Variants in MYO3B observed in about 807,000 individuals in gnomAD.
MYO3B encodes the protein myosin-IIIb.
In MYO3B, 156 loss-of-function variants were observed where a neutral mutation model predicts 174.6. That is an observed-to-expected ratio of 0.89 (90% confidence interval 0.78 to 1.02). MYO3B has a LOEUF of 1.02. Among genes scored for constraint, MYO3B ranks in the 50% least tolerant of loss-of-function variants. The pLI is 0.00. For synonymous variants in MYO3B, 563 were observed against 569.1 expected (o/e 0.99, Z 0.15); for missense variants, 1,632 against 1,639.4 (o/e 1.00, Z 0.08).
intron 6 of MYO3B, among the ~76,000 whole-genome samples, chr2:170,224,692 T>C (rs2092933564): frequency 1.3e-5 from 2 of 152,116 alleles, no homozygotes; most frequent in Admixed American, 1.3e-4. Flanking sequence ...AACAGACTTG[T>C]GGATAAAATA....
intron 9 of MYO3B, among the ~76,000 whole-genome samples, chr2:170,375,009 TA>T (rs1456074665): frequency 6.6e-6 from 1 of 152,220 alleles, no homozygotes; most frequent in Non-Finnish European, 1.5e-5. Flanking sequence ...CTTACTCTTT[TA>T]AAGGAGTAAG....
At chr2:170,495,468 ATAT>A (rs1686804959) in intron 25 of MYO3B, among the ~76,000 whole-genome samples, 1 of 152,214 alleles carries the variant, frequency 6.6e-6, no homozygotes, top group Non-Finnish European at 1.5e-5. Context: ...CTAGATATGA[ATAT>A]TATTATCATA....
chr2:170,582,999 C>T (rs1693246699), intron 32 of MYO3B, among the ~76,000 whole-genome samples: 1 of 151,996 alleles, frequency 6.6e-6, no homozygotes, highest in South Asian at 2.1e-4. Flanking sequence ...TCTCTGGCTG[C>T]TCCTGACAGC....
chr2:170,418,146 G>A (rs1331698814), intron 22 of MYO3B, among the ~76,000 whole-genome samples: 5 of 152,168 alleles, frequency 3.3e-5, no homozygotes, highest in African/African-American at 9.7e-5. Context: ...CCAGCATATT[G>A]TCCCTAGTGA....
At chr2:170,529,990 AAT>A (rs1041753599) in intron 30 of MYO3B, among the ~76,000 whole-genome samples, 2 of 152,216 alleles carry the variant, frequency 1.3e-5, no homozygotes, top group African/African-American at 4.8e-5. Flanking sequence ...ATAAAAAACA[AAT>A]ATGCCAATAT....
intron 22 of MYO3B, among the ~76,000 whole-genome samples, chr2:170,439,235 G>T (rs2094780988): frequency 6.6e-6 from 1 of 151,896 alleles, no homozygotes; most frequent in East Asian, 2.0e-4. Flanking sequence ...AGACGGGCAT[G>T]CTGGTGGGCG....
intron 6 of MYO3B, among the ~76,000 whole-genome samples, chr2:170,218,848 T>C (rs2092859798): frequency 6.6e-6 from 1 of 152,214 alleles, no homozygotes; most frequent in African/African-American, 2.4e-5. Context: ...TAAAAAGTTA[T>C]CTAGGGACTT....
intron 28 of MYO3B, among the ~76,000 whole-genome samples, chr2:170,512,218 T>C (rs572213473): frequency 1.2e-4 from 15 of 125,976 alleles, no homozygotes; most frequent in Non-Finnish European, 1.8e-4. Context: ...GGATTTCTTA[T>C]AGGGCTGTAG....
intron 7 of MYO3B, among the ~76,000 whole-genome samples, chr2:170,273,341 G>C (rs1056991864): frequency 1.3e-5 from 2 of 152,026 alleles, no homozygotes; most frequent in Non-Finnish European, 2.9e-5. Flanking sequence ...TGAGACCCTG[G>C]GTCCTTGCTG....
At chr2:170,601,370 C>A (rs1230473282) in intron 32 of MYO3B, among the ~76,000 whole-genome samples, 3 of 152,142 alleles carry the variant, frequency 2.0e-5, no homozygotes, top group Non-Finnish European at 4.4e-5. Flanking sequence ...AATTTCCATG[C>A]CAGTTTATAA....
chr2:170,510,450 A>C (rs1687906532), intron 28 of MYO3B, among the ~76,000 whole-genome samples: 2 of 152,210 alleles, frequency 1.3e-5, no homozygotes, highest in Non-Finnish European at 2.9e-5. Flanking sequence ...TACAGAAAGT[A>C]AGAATAAAAA....
intron 25 of MYO3B, among the ~76,000 whole-genome samples, chr2:170,486,111 G>A (rs1686031703): frequency 6.6e-6 from 1 of 152,156 alleles, no homozygotes; most frequent in East Asian, 1.9e-4. Flanking sequence ...TGTTCTAGGT[G>A]TATGTTGGGG....
chr2:170,470,990 CT>C (rs528684999), intron 25 of MYO3B, among the ~76,000 whole-genome samples: 24 of 142,950 alleles, frequency 1.7e-4, no homozygotes, highest in African/African-American at 2.3e-4. Context: ...CTCTCTCTCT[CT>C]TTTTTTTTTA....
intron 32 of MYO3B, among the ~76,000 whole-genome samples, chr2:170,646,438 A>C (rs1053233641): frequency 6.6e-6 from 1 of 151,356 alleles, no homozygotes; most frequent in Non-Finnish European, 1.5e-5. Context: ...TCTATTACCC[A>C]GGCTGGAGTA....
At chr2:170,510,903 T>G (rs1687938215) in intron 28 of MYO3B, among the ~76,000 whole-genome samples, 1 of 152,156 alleles carries the variant, frequency 6.6e-6, no homozygotes, top group African/African-American at 2.4e-5. Context: ...GCGTGTTGCG[T>G]TTTTTAGTAG....
At chr2:170,327,869 A>ATATATATT (rs1219214549) in intron 7 of MYO3B, among the ~76,000 whole-genome samples, 1 of 102,540 alleles carries the variant, frequency 9.8e-6, no homozygotes, top group African/African-American at 2.8e-5. Flanking sequence ...GCATATATAT[A>ATATATATT]TATATACACT....
At chr2:170,261,692 T>C (rs1487775985) in intron 7 of MYO3B, among the ~76,000 whole-genome samples, 1 of 152,236 alleles carries the variant, frequency 6.6e-6, no homozygotes. Context: ...GGAAAATGCC[T>C]GGTTGTGGCA....
At chr2:170,379,218 C>T (rs1442951947) in intron 9 of MYO3B, among the ~76,000 whole-genome samples, 28 of 129,862 alleles carry the variant, frequency 2.2e-4, no homozygotes, top group East Asian at 7.2e-4. Context: ...TTTTTTGAGA[C>T]GGAATCTTGC....
chr2:170,565,762 A>G (rs1481316476), intron 32 of MYO3B, among the ~76,000 whole-genome samples: 1 of 152,206 alleles, frequency 6.6e-6, no homozygotes, highest in Non-Finnish European at 1.5e-5. Flanking sequence ...TGGGCCTTAA[A>G]AAGTCTGCAG....
Sources: allele counts gnomAD v4.1 joint callset (sites outside exome capture counted in the v4.1 genomes callset), GRCh38; gene constraint gnomAD v4.1.1; transcripts MANE v1.5; gene names NCBI Gene and HGNC (gene_info 2026-07-23, HGNC 2026-07-21).